The following PHF8 variants were observed in gnomAD, a reference collection of about 807,000 sequenced individuals.
The protein encoded by PHF8 is PHD finger protein 8.
A neutral mutation model predicts 74.4 loss-of-function variants in PHF8; 9 were observed. That is an observed-to-expected ratio of 0.12 (90% CI 0.07 to 0.21). PHF8 has a LOEUF of 0.21. Ranked by LOEUF, PHF8 falls within the 10% of genes least tolerant of loss-of-function variation. The pLI is 1.00. For missense variants in PHF8, 478 were observed against 816.6 expected (o/e 0.59, Z 5.05); for synonymous variants, 311 against 316.6 (o/e 0.98, Z 0.19).
chrX:54,007,981 GC>G (rs1311140025), intron 8 of PHF8, among the ~76,000 whole-genome samples: 4 of 112,067 alleles, frequency 3.6e-5, no homozygotes, highest in African/African-American at 1.3e-4. Flanking sequence ...ATTCATAACA[GC>G]CAAAAAGTGC....
intron 18 of PHF8, among the ~76,000 whole-genome samples, chrX:53,968,338 A>G (rs1557093664): frequency 8.9e-6 from 1 of 112,011 alleles, no homozygotes; most frequent in Admixed American, 9.5e-5. Flanking sequence ...GAAGAAATGG[A>G]TAAATTCTTG....
chrX:53,987,705 G>A (rs782269129), intron 15 of PHF8, 61 bp downstream of exon 15: 68 of 1,010,949 alleles, frequency 6.7e-5, no homozygotes, highest in African/African-American at 3.8e-4. Flanking sequence ...GCAAAACTCC[G>A]TCTCAAAACA....
intron 8 of PHF8, among the ~76,000 whole-genome samples, chrX:54,010,428 G>T (rs2065966461): frequency 8.9e-6 from 1 of 112,109 alleles, no homozygotes; most frequent in East Asian, 2.8e-4. Flanking sequence ...TATTTAATAT[G>T]AAATAGAAAA....
In PHF8 at chrX:54,009,844, G is replaced by GGAAAAAAAAAAAAAAAA. The variant is rs2065952773; in HGVS notation, c.946+1277_946+1278insTTTTTTTTTTTTTTTTC. On this transcript the variant is annotated intron_variant, in intron 8 of 21. Coordinates refer to ENST00000338154, the MANE Select transcript of PHF8 (RefSeq NM_015107.3). ...GGTGACAGAGTGAGACTCTGTCTCA[G>GGAAAAAAAAAAAAAAAA]AAAAAAAAAAAAAAAAAAAAAAAAA... Among the ~76,000 whole-genome samples, 57 of 9,390 alleles carry GGAAAAAAAAAAAAAAAA rather than the reference G, an allele frequency of 6.1e-3. 2 individuals are homozygous for GGAAAAAAAAAAAAAAAA. Among genetic ancestry groups the GGAAAAAAAAAAAAAAAA allele is most frequent in the Non-Finnish European group, 0.018 (39 of 2,201 alleles). 8.2% of individuals were successfully genotyped at this position (9,390 alleles called of 115,157 possible).
chrX:53,980,583 A>G (rs1213098730), intron 18 of PHF8, among the ~76,000 whole-genome samples: 1 of 112,113 alleles, frequency 8.9e-6, no homozygotes, highest in Non-Finnish European at 1.9e-5. Context: ...AGCCCTATCA[A>G]ACTAATACAG....
At chrX:53,968,659 A>G (rs1161408152) in intron 18 of PHF8, among the ~76,000 whole-genome samples, 1 of 112,636 alleles carries the variant, frequency 8.9e-6, no homozygotes, top group Non-Finnish European at 1.9e-5. Context: ...CTGTAATCCC[A>G]GCACTTTGGA....
intron 8 of PHF8, among the ~76,000 whole-genome samples, chrX:54,003,516 G>C (rs1365437912): frequency 9.0e-6 from 1 of 111,096 alleles, no homozygotes; most frequent in Non-Finnish European, 1.9e-5. Flanking sequence ...AACTAGCTGG[G>C]CATGGTGGCA....
At chrX:54,024,148 C>T (rs1412547779) in intron 2 of PHF8, among the ~76,000 whole-genome samples, 2 of 111,817 alleles carry the variant, frequency 1.8e-5, no homozygotes, top group Admixed American at 9.5e-5. Context: ...CATGGCCAGT[C>T]GCGGTAGCTC....
chrX:53,942,006 C>A (rs1384991487), intron 20 of PHF8, among the ~76,000 whole-genome samples: 3 of 111,866 alleles, frequency 2.7e-5, no homozygotes, highest in African/African-American at 9.8e-5. Context: ...AGAATTACCT[C>A]TTCATATCTA....
chrX:54,039,765 C>G (rs2066521292), intron 2 of PHF8: 1 of 112,146 alleles, frequency 8.9e-6, no homozygotes, highest in South Asian at 3.6e-4. Flanking sequence ...AATGTCCAAC[C>G]ATAAAGGAAA....
At chrX:53,964,788 A>T (rs189766548) in intron 18 of PHF8, among the ~76,000 whole-genome samples, 123 of 107,313 alleles carry the variant, frequency 1.1e-3, no homozygotes, top group African/African-American at 4.1e-3. Flanking sequence ...AATCACTTGA[A>T]CCTTGGAGGC....
chrX:53,997,043 T>C (rs1229206595), intron 11 of PHF8, among the ~76,000 whole-genome samples: 1 of 112,675 alleles, frequency 8.9e-6, no homozygotes, highest in Non-Finnish European at 1.9e-5. Flanking sequence ...AAAATATTTG[T>C]AAAACATCTA....
Position 53,985,036 on chromosome X carries a change from G to T in PHF8, c.2321C>A (p.Thr774Asn). 2.5e-6 allele frequency: 3 copies of T among 1,209,826 alleles called. No homozygotes were observed. Among genetic ancestry groups the T allele is most frequent in the Non-Finnish European group, 3.4e-6 (3 of 893,777 alleles). ...TVSNSPASQR[T>N]PGKRPIKRPA... The stretch of plus-strand genomic sequence containing the variant: ...CCGCTTGATGGGCCGCTTCCCTGGG[G>T]TGCGCTGGGAAGCAGGACTGTTAGA... Residue 774 changes from threonine (T) to asparagine (N), a missense_variant, in exon 18 of 22, where the codon ACC (threonine) becomes AAC (asparagine). This residue lies in a region of PHF8 where 51 missense variants were observed against 45.8 expected (regional missense o/e 1.11). Transcript: ENST00000338154.
intron 18 of PHF8, among the ~76,000 whole-genome samples, chrX:53,979,305 C>G (rs973310399): frequency 9.0e-6 from 1 of 111,018 alleles, no homozygotes; most frequent in Non-Finnish European, 1.9e-5. Flanking sequence ...TCGCTTGAAC[C>G]GGGGAGGCGG....
intron 19 of PHF8, among the ~76,000 whole-genome samples, chrX:53,948,783 A>G (rs1355374983): frequency 2.7e-5 from 3 of 110,480 alleles, no homozygotes; most frequent in Non-Finnish European, 5.7e-5. Flanking sequence ...CAGCACTTTG[A>G]GAGGCCGAGG....
chrX:54,031,584 C>CA (rs1171361850), intron 2 of PHF8, among the ~76,000 whole-genome samples: 2,007 of 94,331 alleles, frequency 0.021, 22 homozygotes, highest in African/African-American at 0.025. Flanking sequence ...GTTCTATCTC[C>CA]AAAAAAAAAA....
rs1369326942 is a variant in PHF8, at chrX:53,984,957, A to G, written c.2400T>C (p.Asp800=). 4.1e-6 allele frequency: 5 copies of G among 1,208,848 alleles called. No individual in the cohort carries two copies. The highest frequency in any genetic ancestry group is 5.6e-6 in the Non-Finnish European group (5 of 894,697). The change falls in exon 18 of 22, where the codon GAT becomes GAC. Residue 800 remains aspartate, a synonymous_variant. Coordinates refer to ENST00000338154, the MANE Select transcript of PHF8 (RefSeq NM_015107.3). ...SEEEEENASL[D]EQDSLGACFK... ...AGCACGCTCCCAAGCTGTCCTGTTCATCCAGACTGGCGTTCTCCTCCTCCT... is the reference window on the plus strand; with the variant it reads ...AGCACGCTCCCAAGCTGTCCTGTTCGTCCAGACTGGCGTTCTCCTCCTCCT...
intron 11 of PHF8, among the ~76,000 whole-genome samples, chrX:53,998,446 T>G (rs1258332163): frequency 9.1e-6 from 1 of 110,116 alleles, no homozygotes; most frequent in African/African-American, 3.3e-5. Flanking sequence ...AGAGTGAGGT[T>G]CTGTCTCATA....
intron 20 of PHF8, among the ~76,000 whole-genome samples, chrX:53,942,418 C>T (rs1304253608): frequency 8.9e-6 from 1 of 111,899 alleles, no homozygotes; most frequent in East Asian, 2.8e-4. Flanking sequence ...TAAATCCAAG[C>T]AGGCTGACTC....
Sources: allele counts gnomAD v4.1 joint callset (sites outside exome capture counted in the v4.1 genomes callset), GRCh38; gene constraint gnomAD v4.1.1; regional missense constraint gnomAD v4.1.1; transcripts MANE v1.5; gene names NCBI Gene and HGNC (gene_info 2026-07-23, HGNC 2026-07-21).